Variants in SOX5 observed in about 807,000 individuals in gnomAD.
The protein encoded by SOX5 is transcription factor SOX-5.
SOX5 carries 9 observed loss-of-function variants against 92.0 expected under a neutral mutation model. That is an observed-to-expected ratio of 0.10 (90% CI 0.06 to 0.17). The LOEUF (loss-of-function observed/expected upper bound fraction) is 0.17, where lower values mean the gene tolerates loss of function less well. Among genes scored for constraint, SOX5 ranks in the 10% least tolerant of loss-of-function variants. The pLI is 1.00. For synonymous variants in SOX5, 344 were observed against 336.3 expected (o/e 1.02, Z -0.25); for missense variants, 642 against 944.5 (o/e 0.68, Z 4.20).
intron 6 of SOX5, among the ~76,000 whole-genome samples, chr12:23,671,085 G>C (rs1036318977): frequency 1.7e-4 from 26 of 152,104 alleles, no homozygotes; most frequent in African/African-American, 6.3e-4. Flanking sequence ...GGCATCACCA[G>C]ACTGGGAAAA....
intron 1 of SOX5, among the ~76,000 whole-genome samples, chr12:23,900,562 A>G (rs73068205): frequency 0.015 from 2,262 of 152,274 alleles, 31 homozygotes; most frequent in Middle Eastern, 0.027. Context: ...CCTGGGTTTT[A>G]CCCTTAGAAA....
At chr12:23,640,775 T>G (rs144598108) in intron 8 of SOX5, 37 bp downstream of exon 8, 2 of 1,477,660 alleles carry the variant, frequency 1.4e-6, no homozygotes, top group African/African-American at 2.8e-5. Flanking sequence ...CGATATTTAC[T>G]TAACCTTTGT....
At chr12:24,340,082 C>T (rs1344038704) in intron 2 of SOX5, among the ~76,000 whole-genome samples, 2 of 152,218 alleles carry the variant, frequency 1.3e-5, no homozygotes, top group Non-Finnish European at 2.9e-5. Context: ...ATGTCCAGTC[C>T]TGTTAGCCTC....
At chr12:24,117,472 A>G (rs1948140838) in intron 4 of SOX5, among the ~76,000 whole-genome samples, 2 of 145,298 alleles carry the variant, frequency 1.4e-5, no homozygotes, top group Non-Finnish European at 3.1e-5. Flanking sequence ...ATATATATAT[A>G]CGTAAAGGAA....
intron 2 of SOX5, among the ~76,000 whole-genome samples, chr12:23,847,818 A>G (rs1438265840): frequency 1.3e-5 from 2 of 152,172 alleles, no homozygotes; most frequent in African/African-American, 4.8e-5. Flanking sequence ...CTTATAACAT[A>G]CTTGGATTTA....
chr12:23,585,257 T>G (rs894012904), intron 9 of SOX5, among the ~76,000 whole-genome samples: 1 of 152,304 alleles, frequency 6.6e-6, no homozygotes, highest in African/African-American at 2.4e-5. Flanking sequence ...TGAATTTCAG[T>G]TCTTCTCAGT....
At chr12:23,726,488 TAAAGTA>T (rs2140726631) in intron 6 of SOX5, among the ~76,000 whole-genome samples, 2 of 152,272 alleles carry the variant, frequency 1.3e-5, no homozygotes, top group African/African-American at 4.8e-5. Context: ...TTGTGTAAAT[TAAAGTA>T]AAATAAAAAG....
chr12:24,169,993 G>A (rs964737214), intron 4 of SOX5, among the ~76,000 whole-genome samples: 4 of 151,846 alleles, frequency 2.6e-5, no homozygotes, highest in African/African-American at 9.7e-5. Context: ...AAGCAATAAC[G>A]GAAGCTAATA....
chr12:24,495,205 C>T (rs1446443153), intron 1 of SOX5, among the ~76,000 whole-genome samples: 2 of 152,174 alleles, frequency 1.3e-5, no homozygotes, highest in South Asian at 4.1e-4. Flanking sequence ...AGTAATATAT[C>T]ATTCAACAAC....
chr12:23,843,060 C>A (rs903268819), intron 3 of SOX5, among the ~76,000 whole-genome samples: 3 of 152,146 alleles, frequency 2.0e-5, no homozygotes, highest in African/African-American at 7.2e-5. Flanking sequence ...CTTCTGTGGT[C>A]TTCCTCCCAA....
intron 1 of SOX5, among the ~76,000 whole-genome samples, chr12:24,550,731 A>G (rs143951042): frequency 6.6e-6 from 1 of 152,374 alleles, no homozygotes; most frequent in East Asian, 1.9e-4. Flanking sequence ...CAGCAGGAAG[A>G]AAGAGGCTGC....
chr12:24,103,302 T>A (rs1946299974), intron 4 of SOX5, among the ~76,000 whole-genome samples: 1 of 152,222 alleles, frequency 6.6e-6, no homozygotes, highest in Admixed American at 6.5e-5. Context: ...TATTCAGTTT[T>A]CTTGGCTTTC....
chr12:23,541,685 A>C (rs148931411), intron 13 of SOX5, among the ~76,000 whole-genome samples: 68 of 152,334 alleles, frequency 4.5e-4, no homozygotes, highest in African/African-American at 1.6e-3. Context: ...TTGCATGTTC[A>C]TGTCTTTTTA....
chr12:23,680,328 A>G (rs2086395869), intron 6 of SOX5, among the ~76,000 whole-genome samples: 1 of 148,050 alleles, frequency 6.8e-6, no homozygotes. Flanking sequence ...CTTGTCTCAA[A>G]AAAAAAAAAA....
At chr12:23,715,907 A>T (rs2092463583) in intron 6 of SOX5, among the ~76,000 whole-genome samples, 1 of 152,076 alleles carries the variant, frequency 6.6e-6, no homozygotes, top group African/African-American at 2.4e-5. Context: ...TTATCCAAAC[A>T]TGACTATCAT....
At position 24,554,428 on chromosome 12, in the gene SOX5, G is replaced by A. The variant is rs74070951; in HGVS notation, c.-251+7901C>T. Among the ~76,000 whole-genome samples the A allele has an allele frequency of 4.8e-3, 724 of 152,210 alleles. 3 individuals are homozygous for A. Among genetic ancestry groups the A allele is most frequent in the African/African-American group, 0.016 (680 of 41,520 alleles). On this transcript the variant is annotated intron_variant, in intron 1 of 4. Transcript: ENST00000446891. ...TTAAGTAGAGACATTGAAGCAACCC[G>A]TGCTCACTCTTCAGGAAAAAATTAT...
chr12:24,236,798 T>TCA (rs1340946336), intron 3 of SOX5, among the ~76,000 whole-genome samples: 11 of 152,126 alleles, frequency 7.2e-5, no homozygotes, highest in African/African-American at 2.4e-4. Flanking sequence ...CTGTAATGAT[T>TCA]CACAGTAGAG....
chr12:24,275,865 G>T (rs1944375052), intron 3 of SOX5, among the ~76,000 whole-genome samples: 1 of 152,112 alleles, frequency 6.6e-6, no homozygotes, highest in Non-Finnish European at 1.5e-5. Context: ...CTACATTCTT[G>T]TTATATTATT....
intron 1 of SOX5, among the ~76,000 whole-genome samples, chr12:24,546,555 C>A (rs7959244): frequency 1.3e-5 from 2 of 152,016 alleles, no homozygotes; most frequent in Non-Finnish European, 2.9e-5. Context: ...CACTGCCATG[C>A]CTTTCCACTC....
Sources: allele counts gnomAD v4.1 joint callset (sites outside exome capture counted in the v4.1 genomes callset), GRCh38; gene constraint gnomAD v4.1.1; transcripts MANE v1.5; gene names NCBI Gene and HGNC (gene_info 2026-07-23, HGNC 2026-07-21).